CRYZ: variants seen among roughly 807,000 people sequenced by gnomAD.
CRYZ encodes the protein zeta-crystallin.
In CRYZ, 35 loss-of-function variants were observed where a neutral mutation model predicts 34.1. That is an observed-to-expected ratio of 1.03 (90% confidence interval 0.78 to 1.36). The LOEUF (loss-of-function observed/expected upper bound fraction) is 1.36, where lower values mean the gene tolerates loss of function less well. Among genes scored for constraint, CRYZ ranks in the 40% most tolerant of loss-of-function variants. The probability of loss-of-function intolerance (pLI) is 0.00; values close to 1 mark genes in which losing one functional copy is unlikely to be tolerated. For synonymous variants in CRYZ, 137 were observed against 136.5 expected, an observed-to-expected ratio of 1.00 and a Z score of -0.03; for missense variants, 403 against 391.8, an observed-to-expected ratio of 1.03 and a Z score of -0.24.
At chr1:74,710,718 A>G (rs1646990669) in intron 5 of CRYZ, among the ~76,000 whole-genome samples, 1 of 152,226 alleles carries the variant, frequency 6.6e-6, no homozygotes, top group South Asian at 2.1e-4. Flanking sequence ...GGCCTCCACC[A>G]TTTAAGTAGA....
At chr1:74,717,369 A>T (rs1647091916) in intron 4 of CRYZ, among the ~76,000 whole-genome samples, 1 of 152,156 alleles carries the variant, frequency 6.6e-6, no homozygotes, top group Non-Finnish European at 1.5e-5. Context: ...CCACTCAGTC[A>T]AGCTCTTCCC....
In CRYZ at chr1:74,706,309, A is replaced by T. The variant is rs1242318551; in HGVS notation, c.977T>A (p.Ile326Asn). Residue 326 changes from isoleucine (I) to asparagine (N), a missense_variant, in exon 9 of 9, where the codon ATT becomes AAT. Coordinates refer to ENST00000340866, the MANE Select transcript of CRYZ (RefSeq NM_001889.4). ...AAGAATTAATCATCATAAGAGAAGA[A>T]TCATTTTTCCAGTAGCCCCACTACC... ...IHGSGATGKMILLL is the reference protein window; with the variant it reads ...IHGSGATGKMNLLL 2 of 1,603,772 alleles carry T rather than the reference A, an allele frequency of 1.2e-6. No individual in the cohort carries two copies. Among genetic ancestry groups the T allele is most frequent in the East Asian group, 4.5e-5 (2 of 44,762 alleles).
intron 5 of CRYZ, among the ~76,000 whole-genome samples, chr1:74,713,892 G>A (rs1647036721): frequency 6.6e-6 from 1 of 152,096 alleles, no homozygotes; most frequent in Non-Finnish European, 1.5e-5. Flanking sequence ...TAACTGCAGA[G>A]CTCTAACTTT....
chr1:74,711,845 A>G (rs1400393737), intron 5 of CRYZ, among the ~76,000 whole-genome samples: 1 of 152,230 alleles, frequency 6.6e-6, no homozygotes, highest in Non-Finnish European at 1.5e-5. Flanking sequence ...TCAGTTGAAT[A>G]TGAGTATGGA....
chr1:74,715,799 C>T (rs752325321), intron 4 of CRYZ, among the ~76,000 whole-genome samples: 1 of 152,032 alleles, frequency 6.6e-6, no homozygotes. Context: ...AGGCAAATCC[C>T]CTCCTGAATC....
chr1:74,721,265 A>C (rs1296879901), intron 3 of CRYZ, among the ~76,000 whole-genome samples: 1 of 152,210 alleles, frequency 6.6e-6, no homozygotes, highest in African/African-American at 2.4e-5. Flanking sequence ...TAATTCTGTC[A>C]ATTAGAAGAA....
intron 1 of CRYZ, among the ~76,000 whole-genome samples, chr1:74,728,073 C>T (rs1484287298): frequency 6.6e-6 from 1 of 152,104 alleles, no homozygotes; most frequent in Non-Finnish European, 1.5e-5. Flanking sequence ...AAACTTAGTG[C>T]TGAAAGGAAA....
chr1:74,732,181 T>A (rs1267419162), intron 1 of CRYZ, among the ~76,000 whole-genome samples: 1 of 122,042 alleles, frequency 8.2e-6, no homozygotes, highest in African/African-American at 3.3e-5. Context: ...CTAGGAGAAA[T>A]CCCCTACAGC....
At chr1:74,711,605 G>A (rs1037813334) in intron 5 of CRYZ, among the ~76,000 whole-genome samples, 4 of 152,180 alleles carry the variant, frequency 2.6e-5, no homozygotes, top group South Asian at 4.1e-4. Context: ...ATTTCACTTT[G>A]CCAAGTGTGG....
rs1336123245 is a variant in CRYZ, at chr1:74,710,189, G to A, written c.539C>T (p.Ala180Val). ...RAYGLKILGT[A>V]GTEEGQKIVL... is the part of the protein sequence containing the mutation. Reference sequence around the variant, plus strand: ...AATCTTTTGTCCTTCCTCAGTACCAGCAGTGCCCAAAATCTTTAAGCCATA... The same window carrying A: ...AATCTTTTGTCCTTCCTCAGTACCAACAGTGCCCAAAATCTTTAAGCCATA... Residue 180 changes from alanine to valine, a missense_variant, in exon 6 of 9, where the codon GCT (alanine) becomes GTT (valine). By Grantham distance (64) the Ala-to-Val change is moderately conservative. Transcript: ENST00000340866. The A allele has an allele frequency of 6.2e-7, 1 of 1,613,812 alleles. No homozygotes were observed. Among genetic ancestry groups the A allele is most frequent in the Non-Finnish European group, 8.5e-7 (1 of 1,179,820 alleles).
chr1:74,713,154 G>A (rs1434703585), intron 5 of CRYZ, among the ~76,000 whole-genome samples: 1 of 152,072 alleles, frequency 6.6e-6, no homozygotes, highest in Non-Finnish European at 1.5e-5. Context: ...CCTGCCAGCT[G>A]AGGATTTAAC....
chr1:74,730,965 A>T (rs1647690724), intron 1 of CRYZ, among the ~76,000 whole-genome samples: 1 of 152,182 alleles, frequency 6.6e-6, no homozygotes, highest in South Asian at 2.1e-4. Context: ...ACATGATTCT[A>T]TTTTTAAAAA....
Position 74,706,954 on chromosome 1 carries a change from T to C in CRYZ, c.773A>G (p.Asp258Gly). 1 of 1,613,180 alleles carries C rather than the reference T, an allele frequency of 6.2e-7. No homozygotes were observed. Among genetic ancestry groups the C allele is most frequent in the Non-Finnish European group, 8.5e-7 (1 of 1,179,408 alleles). ...SRGTIEINPR[D>G]TMAKESSIIG... ...TATACTCGACTCCTTTGCCATGGTG[T>C]CTCGTGGGTTTATTTCAATAGTACC... The change falls in exon 8 of 9, where the codon GAC becomes GGC. Residue 258 changes from aspartate (D) to glycine (G), a missense_variant. Transcript: ENST00000340866.
rs199951090 is a variant in CRYZ at position 74,707,249 on chromosome 1, A to C, written c.631-45T>G. 1.2e-4 allele frequency: 124 copies of C among 1,001,414 alleles called. No homozygotes were observed. The African/African-American group carries it at 1.7e-3, about 14-fold the overall frequency. The allele number at this position is 1,001,414 out of a possible 1,614,324, so 62.0% of individuals were successfully genotyped here. On this transcript the variant is annotated intron_variant, in intron 6 of 8. Coordinates refer to ENST00000340866, the MANE Select transcript of CRYZ (RefSeq NM_001889.4). ...TGTAGAGTAAGATAGCAAGTGAAAAACTGTAAAATAGCTACTATCTGTACA... is the reference window on the plus strand; with the variant it reads ...TGTAGAGTAAGATAGCAAGTGAAAACCTGTAAAATAGCTACTATCTGTACA...
chr1:74,710,379 A>G (rs2100695424), intron 5 of CRYZ, 132 bp from the exon 6 acceptor site: 3 of 747,290 alleles, frequency 4.0e-6, no homozygotes, highest in Non-Finnish European at 6.2e-6. Flanking sequence ...AAATGAAGAA[A>G]TAAGAAAAAC....
In CRYZ at chr1:74,719,331, A is replaced by AC; in HGVS notation, c.305dup (p.Tyr103LeufsTer17). The AC allele has an allele frequency of 6.2e-7, 1 of 1,613,178 alleles. No individual in the cohort carries two copies. The highest frequency in any genetic ancestry group is 2.2e-5 in the East Asian group (1 of 44,872). On this transcript the variant is annotated frameshift_variant, in exon 4 of 9. Transcript: ENST00000340866. LOFTEE classifies it high-confidence loss of function. ...CTGCTGCAAGAGCATACTCTGCATA[A>AC]CCCCCAGAGATCGTGCTGCTAGTGA...
rs760236298 is a variant in CRYZ, at chr1:74,710,223, CA to C, written c.504del (p.Ile168MetfsTer7). 7 of 1,613,656 alleles carry C rather than the reference CA, an allele frequency of 4.3e-6. No homozygotes were observed. In the African/African-American group the frequency reaches 9.3e-5, roughly 22 times the overall value. On this transcript the variant is annotated frameshift_variant, in exon 6 of 9. Coordinates refer to ENST00000340866, the MANE Select transcript of CRYZ (RefSeq NM_001889.4). LOFTEE classifies it high-confidence loss of function. ...AAAATCTTTAAGCCATAAGCTCTAG[CA>C]ATTTGGCATGCTGCTAATCCAACCT... ...SGGVGLAACQ[I>X]ARAYGLKILG... is the part of the protein sequence containing the mutation.
At chr1:74,707,845 G>A (rs957360107) in intron 6 of CRYZ, 3 of 152,036 alleles carry the variant, frequency 2.0e-5, no homozygotes, top group African/African-American at 7.3e-5. Flanking sequence ...TACAAACATA[G>A]GGAGCTCAAA....
At position 74,706,105 on chromosome 1, in the gene CRYZ, T is replaced by G; in HGVS notation, c.*191A>C. 2.1e-6 allele frequency: 1 copy of G among 475,170 alleles called. No individual in the cohort carries two copies. Among genetic ancestry groups the G allele is most frequent in the Non-Finnish European group, 3.7e-6 (1 of 269,844 alleles). 29.4% of individuals were successfully genotyped at this position (475,170 alleles called of 1,614,324 possible). A position where few individuals can be genotyped will look rare whatever the true frequency, so the allele number is the denominator to read the frequency against. ...TGATGACTCTTTGATTTGAGACAGA[T>G]GGCATAAAAAAATATTGCTAGCTAT... On this transcript the variant is annotated 3_prime_UTR_variant, in exon 9 of 9. Coordinates refer to ENST00000340866, the MANE Select transcript of CRYZ (RefSeq NM_001889.4).
Sources: allele counts gnomAD v4.1 joint callset (sites outside exome capture counted in the v4.1 genomes callset), GRCh38; gene constraint gnomAD v4.1.1; transcripts MANE v1.5; gene names NCBI Gene and HGNC (gene_info 2026-07-23, HGNC 2026-07-21).